WDR25: variants seen among roughly 807,000 people sequenced by gnomAD.
The protein encoded by WDR25 is WD repeat-containing protein 25.
A neutral mutation model predicts 47.7 loss-of-function variants in WDR25; 35 were observed. That is an observed-to-expected ratio of 0.73 (90% confidence interval 0.56 to 0.97). The LOEUF (loss-of-function observed/expected upper bound fraction) is 0.97, where lower values mean the gene tolerates loss of function less well. Ranked by LOEUF, WDR25 falls within the 50% of genes least tolerant of loss-of-function variation. The pLI is 0.00. For missense variants in WDR25, 634 were observed against 704.7 expected (o/e 0.90, Z 1.14); for synonymous variants, 248 against 278.9 (o/e 0.89, Z 1.10).
intron 4 of WDR25, among the ~76,000 whole-genome samples, chr14:100,507,974 A>G (rs991618057): frequency 3.9e-5 from 6 of 152,184 alleles, no homozygotes; most frequent in African/African-American, 1.4e-4. Context: ...CAAGAAAAAA[A>G]GAAAACTACA....
At chr14:100,433,996 CA>C (rs1214320178) in intron 2 of WDR25, among the ~76,000 whole-genome samples, 2 of 151,070 alleles carry the variant, frequency 1.3e-5, no homozygotes, top group Admixed American at 6.6e-5. Flanking sequence ...GAGGCTGAGG[CA>C]GGGGGGTCAC....
intron 4 of WDR25, among the ~76,000 whole-genome samples, chr14:100,485,894 A>G (rs1900366245): frequency 6.6e-6 from 1 of 152,182 alleles, no homozygotes; most frequent in Non-Finnish European, 1.5e-5. Context: ...TTGTCTGTAC[A>G]TGAGATCTTG....
intron 2 of WDR25, among the ~76,000 whole-genome samples, chr14:100,406,219 G>A (rs1282780153): frequency 6.6e-6 from 1 of 152,190 alleles, no homozygotes; most frequent in East Asian, 1.9e-4. Flanking sequence ...TGGAGCAGTC[G>A]GCTTCGGAGG....
Position 100,384,484 on chromosome 14 carries a change from G to A in WDR25, c.822+2738G>A, listed in dbSNP as rs369371339. On this transcript the variant is annotated intron_variant, in intron 2 of 6. Coordinates refer to ENST00000402312, the MANE Select transcript of WDR25 (RefSeq NM_001161476.3). ...TCCCGGCTGAGGCCTCAGGCTTGCT[G>A]GGCCACCAGGTTTGTGCGTGGCCTG... Among the ~76,000 whole-genome samples the A allele has an allele frequency of 7.2e-5, 11 of 152,312 alleles. No homozygotes were observed. In the East Asian group the frequency reaches 2.1e-3, roughly 29 times the overall value.
intron 2 of WDR25, among the ~76,000 whole-genome samples, chr14:100,432,559 A>G (rs1276098905): frequency 6.6e-6 from 1 of 152,238 alleles, no homozygotes. Context: ...CCCTTCACCC[A>G]GTTTCTCCAA....
intron 4 of WDR25, among the ~76,000 whole-genome samples, chr14:100,515,057 A>G (rs918907858): frequency 2.0e-5 from 3 of 152,166 alleles, no homozygotes; most frequent in African/African-American, 4.8e-5. Flanking sequence ...TCTGTTTCCA[A>G]TGAGAAGTCT....
chr14:100,487,110 C>T (rs1857481540), intron 4 of WDR25, among the ~76,000 whole-genome samples: 1 of 152,126 alleles, frequency 6.6e-6, no homozygotes, highest in South Asian at 2.1e-4. Flanking sequence ...TGCAGACCCT[C>T]GTAAGGTCGT....
At chr14:100,423,761 T>C (rs1162701666) in intron 2 of WDR25, among the ~76,000 whole-genome samples, 1 of 152,242 alleles carries the variant, frequency 6.6e-6, no homozygotes, top group Non-Finnish European at 1.5e-5. Context: ...TGGATTCTTA[T>C]CTGTGTTGAG....
At position 100,424,647 on chromosome 14, in the gene WDR25, A is replaced by C. The variant is rs1026805611; in HGVS notation, c.822+42901A>C. On this transcript the variant is annotated intron_variant, in intron 2 of 6. Transcript: ENST00000402312. This position sits in a 1 kb window ranked among gnomAD's most constrained non-coding sequence, Gnocchi z 4.2. ...GAATGTCTTGGGCCTGGGGATGTAG[A>C]GCCCAGGTTCTGGGACCAGCCCTTC... Among the ~76,000 whole-genome samples, 7 of 152,130 alleles carry C rather than the reference A, an allele frequency of 4.6e-5. No homozygotes were observed. Among genetic ancestry groups the C allele is most frequent in the African/African-American group, 1.7e-4 (7 of 41,416 alleles).
intron 5 of WDR25, among the ~76,000 whole-genome samples, chr14:100,526,303 A>G (rs764878865): frequency 5.9e-5 from 9 of 152,112 alleles, no homozygotes; most frequent in Non-Finnish European, 1.0e-4. Context: ...TTCAGTCCAG[A>G]TCAATGGGGA....
intron 2 of WDR25, among the ~76,000 whole-genome samples, chr14:100,412,586 T>C (rs1376935317): frequency 6.6e-6 from 1 of 152,248 alleles, no homozygotes; most frequent in Non-Finnish European, 1.5e-5. Context: ...CAGTTGTTTC[T>C]TCAACGTCTC....
At chr14:100,469,116 C>T (rs1435077350) in intron 3 of WDR25, among the ~76,000 whole-genome samples, 30 of 152,156 alleles carry the variant, frequency 2.0e-4, no homozygotes, top group Admixed American at 1.9e-3. Context: ...CCCCTTGAAC[C>T]CTCAGGCCAG....
At chr14:100,510,059 T>A (rs1901251229) in intron 4 of WDR25, among the ~76,000 whole-genome samples, 1 of 151,812 alleles carries the variant, frequency 6.6e-6, no homozygotes, top group Non-Finnish European at 1.5e-5. Context: ...TCACTTGAGG[T>A]CAGGAGGTCG....
intron 3 of WDR25, among the ~76,000 whole-genome samples, chr14:100,479,025 G>A (rs1388477109): frequency 6.6e-6 from 1 of 152,088 alleles, no homozygotes; most frequent in Non-Finnish European, 1.5e-5. Context: ...TCAGCAATAA[G>A]CGCAGTTGTC....
intron 1 of WDR25, chr14:100,376,781 AC>A: frequency 8.2e-7 from 1 of 1,214,812 alleles, no homozygotes; most frequent in Non-Finnish European, 1.0e-6. Context: ...TTCCACCCAC[AC>A]CAGACCCAGC....
intron 2 of WDR25, among the ~76,000 whole-genome samples, chr14:100,421,068 T>C (rs1388684584): frequency 6.6e-6 from 1 of 152,208 alleles, no homozygotes; most frequent in Non-Finnish European, 1.5e-5. Flanking sequence ...TTCCTGCATG[T>C]CCCTCGTCTG....
chr14:100,522,080 G>T (rs1221037742), intron 4 of WDR25, among the ~76,000 whole-genome samples: 1 of 149,430 alleles, frequency 6.7e-6, no homozygotes, highest in Admixed American at 6.6e-5. Flanking sequence ...TTTCTGTAGA[G>T]CTATTGGTCT....
At chr14:100,417,285 C>G (rs1897895690) in intron 2 of WDR25, among the ~76,000 whole-genome samples, 1 of 152,260 alleles carries the variant, frequency 6.6e-6, no homozygotes, top group South Asian at 2.1e-4. Context: ...GCAGCCGTAC[C>G]TGGAGGAGCT....
At chr14:100,382,821 C>T (rs574615762) in intron 2 of WDR25, among the ~76,000 whole-genome samples, 3 of 152,222 alleles carry the variant, frequency 2.0e-5, no homozygotes, top group Non-Finnish European at 4.4e-5. Context: ...GACCACTGGC[C>T]GGCTGCCTTC....
Sources: gnomAD v4.1 joint callset for allele counts (sites outside exome capture counted in the v4.1 genomes callset) on GRCh38, gnomAD v4.1.1 for gene constraint, Gnocchi (gnomAD v3.1) non-coding constraint, MANE v1.5 for transcripts, NCBI Gene and HGNC (gene_info 2026-07-23, HGNC 2026-07-21) for gene names.